Variants in PLCL1 observed in about 807,000 individuals in gnomAD.
PLCL1 encodes inactive phospholipase C-like protein 1.
In PLCL1, 41 loss-of-function variants were observed where a neutral mutation model predicts 84.4. The ratio of observed to expected loss-of-function variants is 0.49; its 90% confidence interval spans 0.38 to 0.63. The LOEUF (loss-of-function observed/expected upper bound fraction) is 0.63. PLCL1 is among the 30% of genes least tolerant of loss of function. The pLI is 0.00. For missense variants in PLCL1, 1,206 were observed against 1,367.8 expected (o/e 0.88, Z 1.87); for synonymous variants, 490 against 488.3 (o/e 1.00, Z -0.05).
At chr2:197,868,076 T>C (rs1687582063) in intron 1 of PLCL1, among the ~76,000 whole-genome samples, 1 of 152,188 alleles carries the variant, frequency 6.6e-6, no homozygotes, top group Non-Finnish European at 1.5e-5. Context: ...ATCCACCCGG[T>C]GACCACTGTA....
chr2:197,991,252 G>A (rs1317011208), intron 1 of PLCL1, among the ~76,000 whole-genome samples: 3 of 152,146 alleles, frequency 2.0e-5, no homozygotes, highest in Admixed American at 6.6e-5. Flanking sequence ...TCCTTGGACT[G>A]GGATTTATAA....
intron 1 of PLCL1, among the ~76,000 whole-genome samples, chr2:198,014,774 C>G (rs1219407270): frequency 6.6e-6 from 1 of 152,102 alleles, no homozygotes; most frequent in Non-Finnish European, 1.5e-5. Flanking sequence ...AAATAATTCA[C>G]TTAATACTAG....
Position 198,110,264 on chromosome 2 carries a change from A to G in PLCL1, c.3105+6328A>G, listed in dbSNP as rs145485051. 6.8e-3 allele frequency among the ~76,000 whole-genome samples: 1,035 copies of G among 151,944 alleles called. 11 individuals carry two copies. The highest frequency in any genetic ancestry group is 0.023 in the African/African-American group (948 of 41,490). On this transcript the variant is annotated intron_variant, in intron 5 of 5. Transcript: ENST00000428675. ...GTATATGTGACTATTACTTTTCCCC[A>G]TAACGCTTTTGCTTTTTATCACTAC...
At chr2:198,078,716 A>T (rs1349004989) in intron 1 of PLCL1, among the ~76,000 whole-genome samples, 1 of 151,870 alleles carries the variant, frequency 6.6e-6, no homozygotes, top group Non-Finnish European at 1.5e-5. Flanking sequence ...CTGTTTGCTT[A>T]AAAAAAACTT....
At chr2:197,898,583 G>A in intron 1 of PLCL1, among the ~76,000 whole-genome samples, 1 of 151,650 alleles carries the variant, frequency 6.6e-6, no homozygotes, top group Non-Finnish European at 1.5e-5. Context: ...ATGCCCAAGA[G>A]AACCCTCATG....
chr2:197,809,797 T>C (rs1690546519), intron 1 of PLCL1, among the ~76,000 whole-genome samples: 1 of 135,262 alleles, frequency 7.4e-6, no homozygotes, highest in Admixed American at 8.1e-5. Flanking sequence ...AATCTTCTTT[T>C]GGAGCTCTGA....
chr2:197,887,274 T>A lies in PLCL1; in HGVS notation c.240+81935T>A, dbSNP rs368129294. On this transcript the variant is annotated intron_variant, in intron 1 of 5. Transcript: ENST00000428675. The stretch of plus-strand genomic sequence containing the variant: ...CATTGGAGTGTAGTGTTTTATTGTA[T>A]GAAGTACCCCAAATTCAGTTAATTC... 1.7e-4 allele frequency among the ~76,000 whole-genome samples: 26 copies of A among 152,332 alleles called. No individual in the cohort carries two copies. In the East Asian group the frequency reaches 4.6e-3, roughly 27 times the overall value.
rs184958178 is a variant in PLCL1 at position 198,149,054 on chromosome 2, C to T, written c.*2092C>T. The T allele has an allele frequency of 6.6e-6, 1 of 152,516 alleles. No homozygotes were observed. Among genetic ancestry groups the T allele is most frequent in the African/African-American group, 2.4e-5 (1 of 41,552 alleles). The allele number at this position is 152,516 out of a possible 1,614,324, so 9.4% of individuals were successfully genotyped here. The stretch of plus-strand genomic sequence containing the variant: ...TACTCTGCTTCATTCCACTGGGTGT[C>T]CTTGCTAGATGGGGAGTGAGATGTG... On this transcript the variant is annotated 3_prime_UTR_variant, in exon 6 of 6. Coordinates refer to ENST00000428675, the MANE Select transcript of PLCL1 (RefSeq NM_006226.4).
intron 1 of PLCL1, among the ~76,000 whole-genome samples, chr2:197,844,934 A>G (rs1466003871): frequency 1.3e-5 from 2 of 152,104 alleles, no homozygotes; most frequent in African/African-American, 4.8e-5. Flanking sequence ...TGAGAGATGG[A>G]GATTTCCTGT....
intron 1 of PLCL1, among the ~76,000 whole-genome samples, chr2:198,014,848 T>A (rs369606174): frequency 1.3e-5 from 2 of 152,132 alleles, no homozygotes; most frequent in East Asian, 1.9e-4. Context: ...AGTGTTCTAC[T>A]TGTGCAAATT....
chr2:197,942,277 C>A (rs998623814), intron 1 of PLCL1, among the ~76,000 whole-genome samples: 1 of 152,148 alleles, frequency 6.6e-6, no homozygotes, highest in South Asian at 2.1e-4. Context: ...CTTTTCACCA[C>A]CATTTAACTT....
chr2:198,134,387 C>T (rs775043360), intron 5 of PLCL1, among the ~76,000 whole-genome samples: 19 of 152,110 alleles, frequency 1.2e-4, no homozygotes, highest in Non-Finnish European at 2.6e-4. Flanking sequence ...CTTGATTTAA[C>T]TAAGAAGTAG....
At chr2:197,934,183 GT>G (rs1233423641) in intron 1 of PLCL1, among the ~76,000 whole-genome samples, 2 of 152,164 alleles carry the variant, frequency 1.3e-5, no homozygotes, top group African/African-American at 2.4e-5. Flanking sequence ...TTGCCAGCAA[GT>G]TTTTTTGTTT....
chr2:197,994,362 G>T (rs781256824), intron 1 of PLCL1, among the ~76,000 whole-genome samples: 5 of 152,128 alleles, frequency 3.3e-5, no homozygotes, highest in Non-Finnish European at 7.4e-5. Flanking sequence ...TGAATTGGTT[G>T]TATTTTAACA....
chr2:198,055,329 C>CTCTCTCTCTCTCTG lies in PLCL1; in HGVS notation c.241-28428_241-28427insCTCTCTCTCTCTGT, dbSNP rs374518934. ...TCTCTCTCTCTCTCTCTCTCTCTCT[C>CTCTCTCTCTCTCTG]TGTGTGTGTGTGTGTCTGTGTATGA... is the stretch of plus-strand genomic sequence containing the variant. On this transcript the variant is annotated intron_variant, in intron 1 of 5. Transcript: ENST00000428675. Among the ~76,000 whole-genome samples the CTCTCTCTCTCTCTG allele has an allele frequency of 1.3e-3, 144 of 112,340 alleles. 2 individuals carry two copies. Among genetic ancestry groups the CTCTCTCTCTCTCTG allele is most frequent in the African/African-American group, 4.9e-3 (139 of 28,522 alleles). 73.7% of individuals were successfully genotyped at this position (112,340 alleles called of 152,430 possible). A position where few individuals can be genotyped will look rare whatever the true frequency, so the allele number is the denominator to read the frequency against.
intron 1 of PLCL1, among the ~76,000 whole-genome samples, chr2:197,914,334 T>A (rs538037512): frequency 3.4e-5 from 5 of 147,930 alleles, no homozygotes; most frequent in Admixed American, 6.8e-5. Context: ...TTTATGTTAT[T>A]TTTTTTTTTT....
At chr2:198,105,394 T>G (rs769971031) in intron 5 of PLCL1, among the ~76,000 whole-genome samples, 1 of 152,046 alleles carries the variant, frequency 6.6e-6, no homozygotes, top group Non-Finnish European at 1.5e-5. Flanking sequence ...TTTGTACCAA[T>G]GCCATGCTGT....
At chr2:198,055,711 A>G (rs1372862535) in intron 1 of PLCL1, among the ~76,000 whole-genome samples, 1 of 152,106 alleles carries the variant, frequency 6.6e-6, no homozygotes, top group African/African-American at 2.4e-5. Context: ...GATCTCAGGG[A>G]GCAAACAGAT....
intron 1 of PLCL1, among the ~76,000 whole-genome samples, chr2:197,874,203 A>G (rs1368830114): frequency 1.3e-5 from 2 of 152,150 alleles, no homozygotes; most frequent in Non-Finnish European, 2.9e-5. Context: ...CCTTTCTGGT[A>G]TTTCAAATTT....
Sources: gnomAD v4.1 joint callset for allele counts (sites outside exome capture counted in the v4.1 genomes callset) on GRCh38, gnomAD v4.1.1 for gene constraint, MANE v1.5 for transcripts, NCBI Gene and HGNC (gene_info 2026-07-23, HGNC 2026-07-21) for gene names.